The following FSTL5 variants were observed in gnomAD, a reference collection of about 807,000 sequenced individuals.
FSTL5 encodes the protein follistatin-related protein 5.
In FSTL5, 62 loss-of-function variants were observed where a neutral mutation model predicts 89.1. The ratio of observed to expected loss-of-function variants is 0.70; its 90% CI spans 0.57 to 0.86. FSTL5 has a LOEUF of 0.86. Among genes scored for constraint, FSTL5 ranks in the 40% least tolerant of loss-of-function variants. The probability of loss-of-function intolerance (pLI) is 0.00; values close to 1 mark genes in which losing one functional copy is unlikely to be tolerated. For missense variants in FSTL5, 1,057 were observed against 1,001.6 expected (o/e 1.06, Z -0.75); for synonymous variants, 383 against 346.2 (o/e 1.11, Z -1.18).
chr4:161,701,878 G>A (rs952151263), intron 6 of FSTL5, among the ~76,000 whole-genome samples: 6 of 151,998 alleles, frequency 3.9e-5, no homozygotes, highest in African/African-American at 1.4e-4. Flanking sequence ...GATATAGTCA[G>A]TTGCAATGGT....
chr4:161,597,395 C>A (rs930780784), intron 7 of FSTL5, among the ~76,000 whole-genome samples: 1 of 147,474 alleles, frequency 6.8e-6, no homozygotes, highest in Non-Finnish European at 1.5e-5. Flanking sequence ...AACCAAACAC[C>A]GCATGTTCTC....
rs187194663 is a variant in FSTL5, at chr4:161,434,662, A to G, written c.1841+20342T>C. ...TATTGAATGGGAGAAATATTTGCAA[A>G]CTACCCATCTGACAAGTGGTTAATA... On this transcript the variant is annotated intron_variant, in intron 15 of 15. Transcript: ENST00000306100. 1.3e-3 allele frequency among the ~76,000 whole-genome samples: 195 copies of G among 152,264 alleles called. 1 individual carries two copies. Among genetic ancestry groups the G allele is most frequent in the African/African-American group, 4.5e-3 (187 of 41,578 alleles).
chr4:162,142,174 T>A (rs941275420), intron 1 of FSTL5, among the ~76,000 whole-genome samples: 1 of 151,762 alleles, frequency 6.6e-6, no homozygotes, highest in Non-Finnish European at 1.5e-5. Flanking sequence ...GGCTTTGGAG[T>A]TGGGGCAAAG....
At chr4:161,633,248 TTTTG>T (rs1735559995) in intron 7 of FSTL5, among the ~76,000 whole-genome samples, 1 of 149,584 alleles carries the variant, frequency 6.7e-6, no homozygotes, top group Admixed American at 6.7e-5. Context: ...TCCCCCCCAC[TTTTG>T]TTTTTGTTTT....
At chr4:162,052,063 A>G (rs1433923625) in intron 2 of FSTL5, among the ~76,000 whole-genome samples, 1 of 151,724 alleles carries the variant, frequency 6.6e-6, no homozygotes, top group Non-Finnish European at 1.5e-5. Context: ...AATTAAAAAA[A>G]TAAAAGTAGA....
intron 1 of FSTL5, among the ~76,000 whole-genome samples, chr4:162,123,701 G>A (rs917632605): frequency 2.0e-5 from 3 of 152,136 alleles, no homozygotes; most frequent in African/African-American, 2.4e-5. Flanking sequence ...GTCAATCATA[G>A]CCAGTGGTCA....
intron 4 of FSTL5, among the ~76,000 whole-genome samples, chr4:161,899,543 G>A (rs1733284059): frequency 6.6e-6 from 1 of 152,146 alleles, no homozygotes; most frequent in African/African-American, 2.4e-5. Flanking sequence ...CCAGGGAGCT[G>A]CTCTATTCCT....
At chr4:161,923,557 C>T (rs1371877) in intron 3 of FSTL5, among the ~76,000 whole-genome samples, 93,807 of 151,438 alleles carry the variant, frequency 0.62, 29,169 homozygotes, top group Middle Eastern at 0.71. Context: ...ATATTTTTTC[C>T]ATCAAATAAT....
intron 5 of FSTL5, among the ~76,000 whole-genome samples, chr4:161,769,373 G>T (rs1017003705): frequency 6.6e-6 from 1 of 151,674 alleles, no homozygotes; most frequent in Non-Finnish European, 1.5e-5. Context: ...ACCAGAAAAA[G>T]GTATATCAAA....
intron 3 of FSTL5, among the ~76,000 whole-genome samples, chr4:161,964,231 C>T (rs1735261100): frequency 6.6e-6 from 1 of 151,874 alleles, no homozygotes; most frequent in Non-Finnish European, 1.5e-5. Context: ...AGTCATCTGC[C>T]TGAGGTGGAA....
At position 161,903,821 on chromosome 4, in the gene FSTL5, A is replaced by G. The variant is rs372794575; in HGVS notation, c.409+16583T>C. Among the ~76,000 whole-genome samples the G allele has an allele frequency of 5.9e-4, 89 of 152,088 alleles. 3 individuals carry two copies. In the South Asian group the frequency reaches 0.016, roughly 27 times the overall value. ...AAGATGCCTAGATCAATTATAACTG[A>G]AAGGCAAAGACTGAATGTCCTTGGC... On this transcript the variant is annotated intron_variant, in intron 4 of 15. Coordinates refer to ENST00000306100, the MANE Select transcript of FSTL5 (RefSeq NM_020116.5).
chr4:161,980,053 AAG>A (rs1158200747), intron 3 of FSTL5, among the ~76,000 whole-genome samples: 2 of 149,558 alleles, frequency 1.3e-5, no homozygotes, highest in Non-Finnish European at 3.0e-5. Flanking sequence ...GAAGGAAAGA[AAG>A]AGAAAAAGAG....
intron 4 of FSTL5, among the ~76,000 whole-genome samples, chr4:161,801,813 A>G (rs1729803026): frequency 6.6e-6 from 1 of 151,576 alleles, no homozygotes; most frequent in South Asian, 2.1e-4. Context: ...ATGAGTTGTG[A>G]TTGAAATGTG....
At chr4:161,480,355 G>A (rs1729455040) in intron 13 of FSTL5, among the ~76,000 whole-genome samples, 1 of 152,066 alleles carries the variant, frequency 6.6e-6, no homozygotes, top group African/African-American at 2.4e-5. Flanking sequence ...AAAAATTAAG[G>A]GAGTAGACTC....
chr4:162,153,104 A>G (rs1449638209), intron 1 of FSTL5, among the ~76,000 whole-genome samples: 1 of 152,170 alleles, frequency 6.6e-6, no homozygotes, highest in African/African-American at 2.4e-5. Flanking sequence ...ATAAACTTCT[A>G]TTTTGTGAGT....
chr4:161,932,496 C>A (rs1253339968), intron 3 of FSTL5, among the ~76,000 whole-genome samples: 1 of 151,592 alleles, frequency 6.6e-6, no homozygotes, highest in African/African-American at 2.4e-5. Flanking sequence ...ATAACAATGG[C>A]TATCCTATAA....
At chr4:161,629,303 A>C (rs76594425) in intron 7 of FSTL5, among the ~76,000 whole-genome samples, 1,551 of 152,318 alleles carry the variant, frequency 0.01, 23 homozygotes, top group African/African-American at 0.035. Context: ...GAGTGAAAAC[A>C]CAAGAGACAA....
chr4:161,901,522 G>A (rs1365739035), intron 4 of FSTL5, among the ~76,000 whole-genome samples: 1 of 152,014 alleles, frequency 6.6e-6, no homozygotes, highest in African/African-American at 2.4e-5. Context: ...TTTCGTTTTG[G>A]GTATTAAAAT....
intron 14 of FSTL5, among the ~76,000 whole-genome samples, chr4:161,456,637 A>T (rs181760181): frequency 6.6e-6 from 1 of 152,288 alleles, no homozygotes; most frequent in Admixed American, 6.5e-5. Flanking sequence ...TCTCCAAAGG[A>T]AGCATATCTT....
Sources: allele counts gnomAD v4.1 joint callset (sites outside exome capture counted in the v4.1 genomes callset), GRCh38; gene constraint gnomAD v4.1.1; transcripts MANE v1.5; gene names NCBI Gene and HGNC (gene_info 2026-07-23, HGNC 2026-07-21).